DAB1: variants seen among roughly 807,000 people sequenced by gnomAD.
The protein encoded by DAB1 is DAB adaptor protein 1, also known as disabled homolog 1.
In DAB1, 15 loss-of-function variants were observed where a neutral mutation model predicts 64.6. The ratio of observed to expected loss-of-function variants is 0.23; its 90% CI spans 0.16 to 0.36. The LOEUF (loss-of-function observed/expected upper bound fraction) is 0.36. Among genes scored for constraint, DAB1 ranks in the 10% least tolerant of loss-of-function variants. The probability of loss-of-function intolerance (pLI) is 1.00; values close to 1 mark genes in which losing one functional copy is unlikely to be tolerated. For missense variants in DAB1, 596 were observed against 706.7 expected (o/e 0.84, Z 1.78); for synonymous variants, 235 against 251.9 (o/e 0.93, Z 0.64).
intron 2 of DAB1, among the ~76,000 whole-genome samples, chr1:57,252,201 CACTG>C (rs999941043): frequency 6.6e-6 from 1 of 152,174 alleles, no homozygotes; most frequent in Non-Finnish European, 1.5e-5. Flanking sequence ...TTTCATCCAT[CACTG>C]ACTAATTATC....
At position 58,245,663 on chromosome 1, in the gene DAB1, G is replaced by T. The variant is rs150470343; in HGVS notation, n.310-95075C>A. ...TTTTTTTCTGACCTGACCAATTTAC[G>T]TAACCTCTTGGAGCCTAGCTTTCTT... On this transcript the variant is annotated intron_variant and non_coding_transcript_variant, in intron 4 of 20. Transcript: ENST00000485760. Among the ~76,000 whole-genome samples the T allele has an allele frequency of 7.2e-5, 11 of 152,010 alleles. No homozygotes were observed. The East Asian group carries it at 2.1e-3, about 29-fold the overall frequency.
chr1:57,690,465 G>A (rs1646751174), intron 6 of DAB1, among the ~76,000 whole-genome samples: 1 of 152,032 alleles, frequency 6.6e-6, no homozygotes, highest in South Asian at 2.1e-4. Context: ...TCTTCCTCCT[G>A]CTCCAGCCAT....
At chr1:58,378,512 C>T (rs1237667995) in intron 3 of DAB1, among the ~76,000 whole-genome samples, 1 of 47,766 alleles carries the variant, frequency 2.1e-5, no homozygotes, top group Non-Finnish European at 4.1e-5. Flanking sequence ...GGTCAGGGAC[C>T]CACTTGAGGA....
intron 6 of DAB1, among the ~76,000 whole-genome samples, chr1:57,738,685 A>C (rs1647815577): frequency 2.6e-5 from 4 of 152,234 alleles, no homozygotes; most frequent in African/African-American, 9.6e-5. Context: ...AAGAAACTCC[A>C]TGTAATTGTT....
intron 5 of DAB1, among the ~76,000 whole-genome samples, chr1:57,940,801 G>A (rs1023837220): frequency 3.3e-5 from 5 of 152,204 alleles, no homozygotes; most frequent in South Asian, 2.1e-4. Context: ...CCTTGGCAAA[G>A]TGTGTGAGGC....
intron 9 of DAB1, among the ~76,000 whole-genome samples, chr1:57,057,850 C>T (rs988045200): frequency 7.9e-5 from 12 of 152,140 alleles, no homozygotes; most frequent in South Asian, 2.1e-4. Flanking sequence ...CCTCCTGATC[C>T]GCCCGCCTTG....
chr1:57,905,276 G>A (rs976323328), intron 5 of DAB1, among the ~76,000 whole-genome samples: 14 of 151,816 alleles, frequency 9.2e-5, no homozygotes, highest in Non-Finnish European at 1.5e-4. Context: ...CTCCTTCCAC[G>A]CTTTCTTCTG....
chr1:58,212,931 A>T (rs369201195), intron 4 of DAB1, among the ~76,000 whole-genome samples: 87 of 152,344 alleles, frequency 5.7e-4, no homozygotes, highest in African/African-American at 2.0e-3. Context: ...AACAGAGTTA[A>T]GAAAACCTCA....
chr1:58,009,889 C>G (rs1447018729), intron 5 of DAB1, among the ~76,000 whole-genome samples: 1 of 152,138 alleles, frequency 6.6e-6, no homozygotes, highest in African/African-American at 2.4e-5. Flanking sequence ...ATTTGTTGAG[C>G]ATTTACTATG....
chr1:57,461,943 CTT>C (rs545743407), intron 7 of DAB1, among the ~76,000 whole-genome samples: 6,424 of 99,634 alleles, frequency 0.064, 184 homozygotes, highest in Non-Finnish European at 0.089. Context: ...AAGATATACT[CTT>C]TTTTTTTTTT....
At chr1:57,447,413 A>C (rs751112090) in intron 7 of DAB1, among the ~76,000 whole-genome samples, 1 of 152,196 alleles carries the variant, frequency 6.6e-6, no homozygotes, top group Non-Finnish European at 1.5e-5. Flanking sequence ...GTGCAGACTT[A>C]TCTCTCTCTG....
intron 5 of DAB1, among the ~76,000 whole-genome samples, chr1:58,025,635 TTA>T (rs1304783591): frequency 2.4e-4 from 29 of 118,796 alleles, no homozygotes; most frequent in Admixed American, 1.6e-3. Context: ...AAATATAATA[TTA>T]TATATATATG....
intron 5 of DAB1, among the ~76,000 whole-genome samples, chr1:57,966,047 G>A (rs772925665): frequency 6.6e-6 from 1 of 152,074 alleles, no homozygotes; most frequent in African/African-American, 2.4e-5. Context: ...TTCAATAATT[G>A]TTTATTCAAT....
chr1:57,658,720 G>A (rs1370413537), intron 6 of DAB1, among the ~76,000 whole-genome samples: 8 of 151,936 alleles, frequency 5.3e-5, no homozygotes, highest in East Asian at 1.9e-4. Context: ...ATGTCACCAC[G>A]CCCAGCTAAT....
At chr1:58,356,043 C>G (rs1644108118) in intron 3 of DAB1, among the ~76,000 whole-genome samples, 1 of 152,202 alleles carries the variant, frequency 6.6e-6, no homozygotes, top group South Asian at 2.1e-4. Context: ...TCTGCTCTGG[C>G]CTTTCTCCTC....
rs183028870 is a variant in DAB1 at position 58,139,183 on chromosome 1, G to A, written n.387+11328C>T. Among the ~76,000 whole-genome samples the A allele has an allele frequency of 2.3e-3, 348 of 152,076 alleles. 4 individuals are homozygous for A. Among genetic ancestry groups the A allele is most frequent in the African/African-American group, 7.9e-3 (329 of 41,454 alleles). ...CCGCACATCACCTTCAGATTCTTCC[G>A]TCAAAACCATAATGTCATCATTTCC... is the stretch of plus-strand genomic sequence containing the variant. On this transcript the variant is annotated intron_variant and non_coding_transcript_variant, in intron 5 of 20. Coordinates refer to the DAB1 transcript ENST00000485760.
At chr1:58,409,576 T>C (rs548740949) in intron 3 of DAB1, among the ~76,000 whole-genome samples, 1 of 152,208 alleles carries the variant, frequency 6.6e-6, no homozygotes, top group Non-Finnish European at 1.5e-5. Context: ...GAGGTAGTGA[T>C]TTCTGCGAAT....
intron 5 of DAB1, among the ~76,000 whole-genome samples, chr1:58,085,736 A>G (rs563679811): frequency 6.6e-6 from 1 of 152,218 alleles, no homozygotes; most frequent in Non-Finnish European, 1.5e-5. Flanking sequence ...ATGAAATGAA[A>G]TAATTTCCCC....
At chr1:57,567,719 A>G (rs1645140899) in intron 7 of DAB1, among the ~76,000 whole-genome samples, 2 of 152,198 alleles carry the variant, frequency 1.3e-5, no homozygotes, top group South Asian at 4.1e-4. Flanking sequence ...CAACTTAAAA[A>G]GGATGTGAAG....
Sources: gnomAD v4.1 joint callset for allele counts (sites outside exome capture counted in the v4.1 genomes callset) on GRCh38, gnomAD v4.1.1 for gene constraint, MANE v1.5 for transcripts, NCBI Gene and HGNC (gene_info 2026-07-23, HGNC 2026-07-21) for gene names.